CASQ1: variants seen among roughly 807,000 people sequenced by gnomAD.
The protein encoded by CASQ1 is calsequestrin 1, also known as calsequestrin-1.
In CASQ1, 40 loss-of-function variants were observed where a neutral mutation model predicts 49.5. The ratio of observed to expected loss-of-function variants is 0.81; its 90% CI spans 0.63 to 1.05. CASQ1 has a LOEUF of 1.05. Ranked by LOEUF, CASQ1 falls within the 50% of genes least tolerant of loss-of-function variation. CASQ1 has a pLI of 0.00. For missense variants in CASQ1, 469 were observed against 486.9 expected (o/e 0.96, Z 0.35); for synonymous variants, 174 against 187.2 (o/e 0.93, Z 0.58).
intron 1 of CASQ1, 28 bp from the exon 2 acceptor site, chr1:160,192,774 T>A: frequency 6.2e-7 from 1 of 1,602,210 alleles, no homozygotes; most frequent in African/African-American, 1.3e-5. Context: ...TTCCAGGGGC[T>A]AATTTTAATC....
intron 10 of CASQ1, among the ~76,000 whole-genome samples, chr1:160,200,849 G>A (rs538021530): frequency 1.3e-5 from 2 of 152,242 alleles, no homozygotes; most frequent in African/African-American, 4.8e-5. Flanking sequence ...GCTTCAGCCC[G>A]GGCAATAGAG....
chr1:160,197,835 A>G (rs1460020799), intron 7 of CASQ1, among the ~76,000 whole-genome samples: 3 of 151,904 alleles, frequency 2.0e-5, no homozygotes, highest in Non-Finnish European at 4.4e-5. Context: ...TGGCTAACAC[A>G]GTGAAACCCC....
chr1:160,193,921 A>G, intron 3 of CASQ1, 74 bp downstream of exon 3: 3 of 842,666 alleles, frequency 3.6e-6, no homozygotes, highest in South Asian at 2.7e-5. Context: ...ACCAACCCCA[A>G]CCTGACACTG....
intron 10 of CASQ1, 50 bp downstream of exon 10, chr1:160,199,975 C>A: frequency 8.2e-7 from 1 of 1,225,310 alleles, no homozygotes; most frequent in Non-Finnish European, 1.2e-6. Context: ...TACTTCCTAG[C>A]ATAGCTAGCT....
intron 9 of CASQ1, among the ~76,000 whole-genome samples, chr1:160,199,359 C>T (rs1489222030): frequency 6.6e-6 from 1 of 152,206 alleles, no homozygotes; most frequent in Non-Finnish European, 1.5e-5. Flanking sequence ...TATACACACT[C>T]AATCATAGAA....
chr1:160,193,846 A>T lies in CASQ1; in HGVS notation c.464A>T (p.Asp155Val). Residue 155 changes from aspartate (D) to valine (V), a missense_variant and splice_region_variant, in exon 3 of 11, where the codon GAT (aspartate) becomes GTT (valine). Physicochemically the swap from Asp to Val is radical, Grantham distance 152 (BLOSUM62 -3). Transcript: ENST00000368078. ...GACACCATCGTGGAGTTTCTGCTTGATGTAAGGACTCCCCTGGACCTGACG... is the reference window on the plus strand; with the variant it reads ...GACACCATCGTGGAGTTTCTGCTTGTTGTAAGGACTCCCCTGGACCTGACG... ...SADTIVEFLL[D>V]VLEDPVELIE... The T allele has an allele frequency of 6.2e-7, 1 of 1,607,742 alleles. No individual in the cohort carries two copies. The highest frequency in any genetic ancestry group is 8.5e-7 in the Non-Finnish European group (1 of 1,174,644).
At chr1:160,198,773 G>A in intron 8 of CASQ1, 42 bp downstream of exon 8, 1 of 1,565,462 alleles carries the variant, frequency 6.4e-7, no homozygotes, top group Admixed American at 1.7e-5. Context: ...GAAGGCAGGG[G>A]GAGGTGGGTG....
At chr1:160,201,109 GT>G in intron 10 of CASQ1, 135 bp from the exon 11 acceptor site, 3 of 930,196 alleles carry the variant, frequency 3.2e-6, no homozygotes, top group Non-Finnish European at 5.0e-6. Flanking sequence ...CACCTGGACA[GT>G]TTCCCTGGCC....
At chr1:160,198,648 A>T in intron 7 of CASQ1, 29 bp from the exon 8 acceptor site, 1 of 1,593,498 alleles carries the variant, frequency 6.3e-7, no homozygotes, top group Non-Finnish European at 8.6e-7. Context: ...CTTCTCCAAA[A>T]CCCTGTTCTC....
intron 10 of CASQ1, among the ~76,000 whole-genome samples, chr1:160,200,509 AG>A (rs761986376): frequency 1.0e-3 from 155 of 152,372 alleles, no homozygotes; most frequent in Admixed American, 3.1e-3. Context: ...GAAAAGTTTA[AG>A]AAAAAGTGAT....
chr1:160,199,981 T>TAGGA, intron 10 of CASQ1, 56 bp downstream of exon 10: 4 of 1,168,800 alleles, frequency 3.4e-6, no homozygotes, highest in African/African-American at 1.5e-5. Context: ...CTAGCATAGC[T>TAGGA]AGCTCTCCTC....
intron 3 of CASQ1, 47 bp from the exon 4 acceptor site, chr1:160,194,965 C>T (rs747118299): frequency 4.1e-6 from 5 of 1,209,974 alleles, no homozygotes; most frequent in South Asian, 1.4e-5. Context: ...CTTTCTGGTT[C>T]TACTTGAGGA....
chr1:160,197,262 G>A (rs185460814), intron 6 of CASQ1, among the ~76,000 whole-genome samples: 1 of 152,126 alleles, frequency 6.6e-6, no homozygotes, highest in African/African-American at 2.4e-5. Context: ...AGAACATATC[G>A]GGCACTCAAT....
chr1:160,193,621 G>A, intron 2 of CASQ1, 126 bp from the exon 3 acceptor site: 1 of 595,888 alleles, frequency 1.7e-6, no homozygotes, highest in Non-Finnish European at 3.0e-6. Flanking sequence ...ACGGGCCCAT[G>A]AGGTGGAGCA....
In CASQ1 at chr1:160,195,056, G is replaced by A. The variant is rs1201547044; in HGVS notation, c.510G>A (p.Leu170=). 2.5e-6 allele frequency: 4 copies of A among 1,613,240 alleles called. No homozygotes were observed. The Admixed American group carries it at 5.0e-5, about 20-fold the overall frequency. Residue 170 remains leucine, a synonymous_variant, in exon 4 of 11, where the codon CTG becomes CTA. Coordinates refer to ENST00000368078, the MANE Select transcript of CASQ1 (RefSeq NM_001231.5). ...PVELIEGERE[L]QAFENIEDEI... is the part of the protein sequence containing the mutation. The stretch of plus-strand genomic sequence containing the variant: ...AATTGATTGAAGGTGAACGAGAGCT[G>A]CAGGCGTTTGAGAATATTGAGGATG...
chr1:160,195,315 T>C, intron 4 of CASQ1, 146 bp from the exon 5 acceptor site: 2 of 800,710 alleles, frequency 2.5e-6, no homozygotes, highest in South Asian at 3.3e-5. Context: ...ACCTCCAGTA[T>C]TCCACCTTCC....
At chr1:160,198,123 G>A (rs546180832) in intron 7 of CASQ1, 89 of 161,646 alleles carry the variant, frequency 5.5e-4, no homozygotes, top group African/African-American at 1.9e-3. Context: ...CAAGGGAAGA[G>A]CCTCAAGCCT....
chr1:160,197,451 T>C, intron 6 of CASQ1, 118 bp from the exon 7 acceptor site: 1 of 761,142 alleles, frequency 1.3e-6, no homozygotes, highest in Non-Finnish European at 2.4e-6. Context: ...GGCTTTGTTG[T>C]AGGCTACAAG....
chr1:160,195,653 C>G (rs568204148), intron 5 of CASQ1, 119 bp downstream of exon 5: 4 of 613,256 alleles, frequency 6.5e-6, no homozygotes, highest in African/African-American at 7.7e-5. Flanking sequence ...TCCCTACCTG[C>G]CCCCCCCCCC....
Sources: gnomAD v4.1 joint callset for allele counts (sites outside exome capture counted in the v4.1 genomes callset) on GRCh38, gnomAD v4.1.1 for gene constraint, MANE v1.5 for transcripts, NCBI Gene and HGNC (gene_info 2026-07-23, HGNC 2026-07-21) for gene names.